Variants in NAT1 observed in about 807,000 individuals in gnomAD.
The protein encoded by NAT1 is N-acetyltransferase 1.
For synonymous variants in NAT1, 144 were observed against 122.6 expected, an observed-to-expected ratio of 1.17 and a Z score of -1.16; for missense variants, 400 against 339.2, an observed-to-expected ratio of 1.18 and a Z score of -1.41.
At chr8:18,208,542 A>G (rs1038881236), upstream of NAT1, among the ~76,000 whole-genome samples, 6 of 152,198 alleles carry the variant, frequency 3.9e-5, no homozygotes, top group Non-Finnish European at 7.3e-5. Flanking sequence ...AAAGAATAAA[A>G]TAGAGGGTGG....
chr8:18,174,132 A>T (rs1326344314), intron 2 of NAT1, among the ~76,000 whole-genome samples: 4 of 152,134 alleles, frequency 2.6e-5, no homozygotes, highest in Non-Finnish European at 5.9e-5. Flanking sequence ...GAAACGGAAC[A>T]TTTTGCAATA....
intron 1 of NAT1, 150 bp from the exon 2 acceptor site, chr8:18,219,261 A>G (rs1203339640): frequency 1.7e-6 from 1 of 583,972 alleles, no homozygotes; most frequent in Non-Finnish European, 3.0e-6. Flanking sequence ...ACACACTTAT[A>G]CAACTCAAAT....
intron 2 of NAT1, among the ~76,000 whole-genome samples, chr8:18,178,912 C>T (rs536972343): frequency 2.6e-5 from 4 of 152,118 alleles, no homozygotes; most frequent in Non-Finnish European, 5.9e-5. Flanking sequence ...TTTCACCTTA[C>T]GCTTCAACCT....
At chr8:18,181,077 G>C (rs1414319700) in intron 2 of NAT1, among the ~76,000 whole-genome samples, 1 of 151,886 alleles carries the variant, frequency 6.6e-6, no homozygotes, top group Non-Finnish European at 1.5e-5. Flanking sequence ...CATTGAATCT[G>C]TACTTACTTT....
intron 1 of NAT1, among the ~76,000 whole-genome samples, chr8:18,218,625 T>A (rs1804944790): frequency 6.6e-6 from 1 of 152,194 alleles, no homozygotes; most frequent in Admixed American, 6.5e-5. Context: ...TATTAATGTC[T>A]CCCAATTTGT....
intron 2 of NAT1, among the ~76,000 whole-genome samples, chr8:18,195,558 T>C (rs577410088): frequency 6.6e-6 from 1 of 152,328 alleles, no homozygotes; most frequent in African/African-American, 2.4e-5. Flanking sequence ...TTTCAAATAA[T>C]ATGTGTAATC....
At chr8:18,182,391 A>G (rs1359956937) in intron 2 of NAT1, among the ~76,000 whole-genome samples, 1 of 152,176 alleles carries the variant, frequency 6.6e-6, no homozygotes, top group Non-Finnish European at 1.5e-5. Flanking sequence ...ATTTTCTTAT[A>G]GCCCAAGGTC....
At chr8:18,214,847 A>C (rs568755600) in intron 1 of NAT1, among the ~76,000 whole-genome samples, 4 of 152,022 alleles carry the variant, frequency 2.6e-5, no homozygotes. Flanking sequence ...CCACCCTCCA[A>C]CCTGTGAAAG....
rs1805366049 is a variant in NAT1, at chr8:18,222,119, A to T, written c.72A>T (p.Leu24Phe). ...GGAACAAATTGGACTTGGAAACATT[A>T]ACTGACATTCTTCAACACCAGATCC... ...KSRNKLDLET[L>F]TDILQHQIRA... The change falls in exon 3 of 3, where the codon TTA (leucine) becomes TTT (phenylalanine). Residue 24 changes from leucine (L) to phenylalanine (F), a missense_variant. By Grantham distance (22) the Leu-to-Phe change is conservative. Coordinates refer to ENST00000307719, the MANE Select transcript of NAT1 (RefSeq NM_000662.8). The T allele has an allele frequency of 6.2e-7, 1 of 1,614,018 alleles. No homozygotes were observed. The highest frequency in any genetic ancestry group is 8.5e-7 in the Non-Finnish European group (1 of 1,179,996).
chr8:18,216,084 A>T (rs1804629003), intron 1 of NAT1, among the ~76,000 whole-genome samples: 1 of 152,172 alleles, frequency 6.6e-6, no homozygotes, highest in African/African-American at 2.4e-5. Flanking sequence ...AAGATGACAT[A>T]AACAAAAGGG....
At chr8:18,217,583 C>T (rs1160364492) in intron 1 of NAT1, among the ~76,000 whole-genome samples, 1 of 152,196 alleles carries the variant, frequency 6.6e-6, no homozygotes, top group Non-Finnish European at 1.5e-5. Context: ...TGACAGCCCA[C>T]ATATATTGCC....
chr8:18,217,924 T>G (rs1398038986), intron 1 of NAT1, among the ~76,000 whole-genome samples: 2 of 152,176 alleles, frequency 1.3e-5, no homozygotes, highest in African/African-American at 4.8e-5. Flanking sequence ...CTATAGAGTG[T>G]ATTGTTTAAG....
chr8:18,172,789 A>AT (rs1802145699), intron 2 of NAT1, among the ~76,000 whole-genome samples: 1 of 152,190 alleles, frequency 6.6e-6, no homozygotes, highest in Admixed American at 6.6e-5. Flanking sequence ...TGTTTAATAC[A>AT]TATTTGAGAC....
chr8:18,197,236 T>C (rs925216302), intron 2 of NAT1, among the ~76,000 whole-genome samples: 4 of 152,210 alleles, frequency 2.6e-5, no homozygotes, highest in East Asian at 1.9e-4. Context: ...TGAGATTGCG[T>C]TGGGGACTCG....
At chr8:18,192,848 G>C (rs913782590) in intron 2 of NAT1, among the ~76,000 whole-genome samples, 1 of 151,816 alleles carries the variant, frequency 6.6e-6, no homozygotes, top group Admixed American at 6.6e-5. Flanking sequence ...TGTGGGGTGG[G>C]GGAAGGGGGG....
upstream of NAT1, among the ~76,000 whole-genome samples, chr8:18,205,413 G>A (rs1803668025): frequency 6.6e-6 from 1 of 152,198 alleles, no homozygotes; most frequent in Non-Finnish European, 1.5e-5. Context: ...TGTAACAGGA[G>A]TGGTTGTTCG....
rs146739586 is a variant in NAT1 at position 18,180,011 on chromosome 8, G to C, written n.92+9272G>C. 9.7e-3 allele frequency among the ~76,000 whole-genome samples: 1,474 copies of C among 152,296 alleles called. 16 individuals carry two copies. The highest frequency in any genetic ancestry group is 0.033 in the African/African-American group (1,389 of 41,576). ...AGGCAGAGCCGGGGCATAGTAAGAA[G>C]TCAGAGGAGGGAGTATGCTATGCAG... On this transcript the variant is annotated intron_variant and non_coding_transcript_variant, in intron 2 of 4. Transcript: ENST00000517441.
At chr8:18,183,446 T>C (rs905624056) in intron 2 of NAT1, among the ~76,000 whole-genome samples, 13 of 152,156 alleles carry the variant, frequency 8.5e-5, no homozygotes, top group East Asian at 1.9e-4. Flanking sequence ...CAGAGTCCCA[T>C]CTAAATGGAA....
chr8:18,222,433 A>T lies in NAT1; in HGVS notation c.386A>T (p.Tyr129Phe), dbSNP rs548004925. ...YIVDAGFGRS[Y>F]QMWQPLELIS... ...GTCGATGCTGGGTTTGGACGCTCAT[A>T]CCAGATGTGGCAGCCTCTGGAGTTA... is the stretch of plus-strand genomic sequence containing the variant. The change falls in exon 3 of 3, where the codon TAC (tyrosine) becomes TTC (phenylalanine). Residue 129 changes from tyrosine (Y) to phenylalanine (F), a missense_variant. Tyr to Phe is a conservative substitution (Grantham distance 22, BLOSUM62 3). Coordinates refer to ENST00000307719, the MANE Select transcript of NAT1 (RefSeq NM_000662.8). 3.7e-6 allele frequency: 6 copies of T among 1,613,964 alleles called. No homozygotes were observed. In the African/African-American group the frequency reaches 8.0e-5, roughly 22 times the overall value.
Sources: gnomAD v4.1 joint callset for allele counts (sites outside exome capture counted in the v4.1 genomes callset) on GRCh38, gnomAD v4.1.1 for gene constraint, MANE v1.5 for transcripts, NCBI Gene and HGNC (gene_info 2026-07-23, HGNC 2026-07-21) for gene names.